SLC30A8: variants seen among roughly 807,000 people sequenced by gnomAD.
SLC30A8 encodes solute carrier family 30 member 8.
A neutral mutation model predicts 36.9 loss-of-function variants in SLC30A8; 27 were observed. The observed-to-expected ratio is 0.73, with a 90% CI of 0.54 to 1.01. The LOEUF (loss-of-function observed/expected upper bound fraction) is 1.01. Among genes scored for constraint, SLC30A8 ranks in the 50% least tolerant of loss-of-function variants. The pLI is 0.00. For missense variants in SLC30A8, 439 were observed against 452.0 expected (o/e 0.97, Z 0.26); for synonymous variants, 164 against 172.4 (o/e 0.95, Z 0.38).
At chr8:116,973,283 T>G (rs1221031736) in intron 1 of SLC30A8, among the ~76,000 whole-genome samples, 2 of 152,152 alleles carry the variant, frequency 1.3e-5, no homozygotes, top group Non-Finnish European at 1.5e-5. Flanking sequence ...GACACCTTCC[T>G]TGTAGTTAAT....
At chr8:117,153,187 T>A (rs974896552) in intron 3 of SLC30A8, 97 bp downstream of exon 3, 21 of 1,276,862 alleles carry the variant, frequency 1.6e-5, no homozygotes, top group East Asian at 9.9e-5. Flanking sequence ...TGTTGGAAAG[T>A]CCTTAGAGAC....
intron 1 of SLC30A8, among the ~76,000 whole-genome samples, chr8:117,144,761 C>T (rs1030098603): frequency 2.0e-5 from 3 of 152,128 alleles, no homozygotes; most frequent in African/African-American, 4.8e-5. Context: ...ATCTTATTCA[C>T]ATCCATTCTA....
At chr8:117,050,161 C>T (rs923652286) in intron 2 of SLC30A8, among the ~76,000 whole-genome samples, 2 of 152,242 alleles carry the variant, frequency 1.3e-5, no homozygotes, top group Admixed American at 1.3e-4. Context: ...AGGCATGATG[C>T]GTGCCTTGTT....
chr8:117,082,145 A>T (rs926353748), intron 2 of SLC30A8, among the ~76,000 whole-genome samples: 9 of 152,238 alleles, frequency 5.9e-5, no homozygotes, highest in Non-Finnish European at 1.3e-4. Flanking sequence ...TATTTAAAGA[A>T]TCAATAGTCT....
intron 3 of SLC30A8, among the ~76,000 whole-genome samples, chr8:117,154,005 ATAACT>A (rs910296986): frequency 4.6e-5 from 7 of 152,316 alleles, no homozygotes; most frequent in East Asian, 1.9e-4. Flanking sequence ...ACAGACATAA[ATAACT>A]TAACCAAGTA....
At chr8:117,002,892 T>G (rs1243939074) in intron 1 of SLC30A8, among the ~76,000 whole-genome samples, 3 of 152,190 alleles carry the variant, frequency 2.0e-5, no homozygotes, top group Admixed American at 6.5e-5. Context: ...CGTGAGCCAC[T>G]GTGCCTGGCC....
intron 2 of SLC30A8, among the ~76,000 whole-genome samples, chr8:117,117,813 A>G (rs990376623): frequency 6.6e-6 from 1 of 151,994 alleles, no homozygotes; most frequent in Non-Finnish European, 1.5e-5. Flanking sequence ...TAAAAAGTCC[A>G]TTCAGACTAA....
intron 2 of SLC30A8, among the ~76,000 whole-genome samples, chr8:117,110,176 G>A (rs997148377): frequency 6.6e-6 from 1 of 152,068 alleles, no homozygotes; most frequent in Non-Finnish European, 1.5e-5. Context: ...ATTGATGTTT[G>A]GCGTGGGCCC....
chr8:116,965,145 C>T (rs1323290196), intron 1 of SLC30A8, among the ~76,000 whole-genome samples: 3 of 152,150 alleles, frequency 2.0e-5, no homozygotes, highest in African/African-American at 7.2e-5. Flanking sequence ...ACCATATTGG[C>T]CAGGCTGGTG....
intron 2 of SLC30A8, among the ~76,000 whole-genome samples, chr8:117,044,287 C>A (rs764760903): frequency 1.3e-5 from 2 of 152,138 alleles, no homozygotes; most frequent in Non-Finnish European, 2.9e-5. Context: ...ACTAGTAAAT[C>A]GGTAACATTG....
At chr8:117,045,471 C>G (rs1255394296) in intron 2 of SLC30A8, among the ~76,000 whole-genome samples, 1 of 152,122 alleles carries the variant, frequency 6.6e-6, no homozygotes, top group Non-Finnish European at 1.5e-5. Context: ...TGAGAAATGA[C>G]AAACACAGCT....
chr8:117,112,551 A>G (rs913785785), intron 2 of SLC30A8, among the ~76,000 whole-genome samples: 2 of 152,112 alleles, frequency 1.3e-5, no homozygotes, highest in African/African-American at 2.4e-5. Context: ...TGCCGGAGAG[A>G]GACTGGGACA....
intron 1 of SLC30A8, among the ~76,000 whole-genome samples, chr8:117,003,018 A>G (rs779005647): frequency 1.3e-5 from 2 of 152,216 alleles, no homozygotes; most frequent in African/African-American, 2.4e-5. Context: ...AGTCAGAAGT[A>G]TTCTGTGTCT....
chr8:117,101,827 A>C (rs1819735159), intron 2 of SLC30A8, among the ~76,000 whole-genome samples: 1 of 152,120 alleles, frequency 6.6e-6, no homozygotes, highest in South Asian at 2.1e-4. Flanking sequence ...CAAGTTCTTC[A>C]GCTTTGGGAT....
intron 1 of SLC30A8, among the ~76,000 whole-genome samples, chr8:116,969,081 C>A (rs1236765157): frequency 6.6e-6 from 1 of 152,112 alleles, no homozygotes; most frequent in Non-Finnish European, 1.5e-5. Context: ...GATGCATGGA[C>A]TTTTGAGCCT....
At chr8:117,095,440 A>G (rs1033931271) in intron 2 of SLC30A8, among the ~76,000 whole-genome samples, 5 of 151,156 alleles carry the variant, frequency 3.3e-5, no homozygotes, top group African/African-American at 1.2e-4. Flanking sequence ...AGGAACTAAA[A>G]CTTGAGGACA....
chr8:116,969,491 G>A (rs780102649), intron 1 of SLC30A8, among the ~76,000 whole-genome samples: 2 of 152,136 alleles, frequency 1.3e-5, no homozygotes, highest in Non-Finnish European at 2.9e-5. Context: ...AAGTAACTTC[G>A]TATGTATTTA....
chr8:117,034,567 T>C (rs1316433700), intron 1 of SLC30A8, among the ~76,000 whole-genome samples: 3 of 152,192 alleles, frequency 2.0e-5, no homozygotes, highest in Admixed American at 2.0e-4. Context: ...TTACCCAACA[T>C]AGCACAACTA....
chr8:117,058,290 C>G (rs772512102), intron 2 of SLC30A8, among the ~76,000 whole-genome samples: 5 of 151,792 alleles, frequency 3.3e-5, no homozygotes, highest in Non-Finnish European at 7.4e-5. Context: ...CATTTTAATC[C>G]CTTATCATAT....
Sources: allele counts gnomAD v4.1 joint callset (sites outside exome capture counted in the v4.1 genomes callset), GRCh38; gene constraint gnomAD v4.1.1; transcripts MANE v1.5; gene names NCBI Gene and HGNC (gene_info 2026-07-23, HGNC 2026-07-21).